Variants in PNKD observed in about 807,000 individuals in gnomAD.
The protein encoded by PNKD is probable thioesterase PNKD.
Under a neutral mutation model 45.3 loss-of-function variants are expected in PNKD, and 36 were observed. The observed-to-expected ratio is 0.80, with a 90% CI of 0.61 to 1.05. PNKD has a LOEUF of 1.05. PNKD is among the 50% of genes least tolerant of loss of function. The probability of loss-of-function intolerance (pLI) is 0.00; values close to 1 mark genes in which losing one functional copy is unlikely to be tolerated. For synonymous variants in PNKD, 197 were observed against 210.1 expected (o/e 0.94, Z 0.54); for missense variants, 511 against 506.6 (o/e 1.01, Z -0.08).
At chr2:218,313,890 ATTTTCTTTATTTCTTTTTTTTTT>A (rs1693685138) in intron 2 of PNKD, among the ~76,000 whole-genome samples, 1 of 137,532 alleles carries the variant, frequency 7.3e-6, no homozygotes, top group African/African-American at 2.7e-5. Flanking sequence ...GTTTAACTGC[ATTTTCTTTATTTCTTTTTTTTTT>A]TTTTTTTTTT....
intron 2 of PNKD, among the ~76,000 whole-genome samples, chr2:218,332,198 G>A (rs1395756428): frequency 6.6e-6 from 1 of 152,208 alleles, no homozygotes; most frequent in African/African-American, 2.4e-5. Context: ...GAGGTAGAGA[G>A]CTGGGGGACA....
intron 2 of PNKD, chr2:218,275,699 T>TG: frequency 1.3e-6 from 2 of 1,535,772 alleles, no homozygotes; most frequent in Non-Finnish European, 1.8e-6. Context: ...AGATTTGTCT[T>TG]GGGGGCCTAT....
chr2:218,307,529 T>C (rs1693452082), intron 2 of PNKD, among the ~76,000 whole-genome samples: 1 of 152,082 alleles, frequency 6.6e-6, no homozygotes, highest in Non-Finnish European at 1.5e-5. Flanking sequence ...AATCTAATGC[T>C]GCTGCTGATC....
At chr2:218,274,007 TAGGGTTGAGCTCTCCCTTTCCCCACC>T (rs1211174658) in intron 2 of PNKD, among the ~76,000 whole-genome samples, 1 of 152,184 alleles carries the variant, frequency 6.6e-6, no homozygotes, top group Non-Finnish European at 1.5e-5. Flanking sequence ...TCCAGTGTGA[TAGGGTTGAGCTCTCCCTTTCCCCACC>T]CAACTCCTGA....
Position 218,345,071 on chromosome 2 carries a change from C to G in PNKD, c.*90C>G. 9.8e-7 allele frequency: 1 copy of G among 1,021,028 alleles called. No homozygotes were observed. 63.2% of individuals were successfully genotyped at this position (1,021,028 alleles called of 1,614,324 possible). On this transcript the variant is annotated 3_prime_UTR_variant, in exon 10 of 10. Transcript: ENST00000273077. ...TCATCCTTCTCATCGCTAACACCAC[C>G]ACCTCCATCGGCACCCAAGCGGGCA...
At chr2:218,337,914 C>G (rs1694547232) in intron 2 of PNKD, among the ~76,000 whole-genome samples, 1 of 152,002 alleles carries the variant, frequency 6.6e-6, no homozygotes, top group Non-Finnish European at 1.5e-5. Context: ...TTTGGGAGGC[C>G]AAGGTGGGCA....
At chr2:218,324,274 A>C (rs1206792220) in intron 2 of PNKD, among the ~76,000 whole-genome samples, 1 of 152,160 alleles carries the variant, frequency 6.6e-6, no homozygotes, top group Admixed American at 6.5e-5. Flanking sequence ...CTCAAGCCCC[A>C]GTTTAGGGAC....
chr2:218,280,551 GGGA>G (rs762639704), intron 2 of PNKD: 94 of 241,858 alleles, frequency 3.9e-4, no homozygotes, highest in African/African-American at 1.6e-3. Context: ...GGTGAAGACA[GGGA>G]TCTGCATCAG....
intron 2 of PNKD, chr2:218,327,948 G>A (rs1353226619): frequency 1.8e-5 from 2 of 114,156 alleles, no homozygotes; most frequent in Non-Finnish European, 3.3e-5. Flanking sequence ...GGTGATAAGA[G>A]TGAAACTCCA....
At chr2:218,270,967 G>C (rs1231034773) in intron 1 of PNKD, 4 of 321,878 alleles carry the variant, frequency 1.2e-5, no homozygotes, top group East Asian at 1.1e-4. Flanking sequence ...TTTTCTCTCA[G>C]GGCTTCAGTT....
chr2:218,319,646 T>C (rs1404302503), intron 2 of PNKD, among the ~76,000 whole-genome samples: 2 of 152,228 alleles, frequency 1.3e-5, no homozygotes, highest in Non-Finnish European at 1.5e-5. Context: ...AGTACTGGGA[T>C]TACAGGCGTG....
At chr2:218,327,511 C>T (rs1421054504) in intron 2 of PNKD, among the ~76,000 whole-genome samples, 1 of 152,134 alleles carries the variant, frequency 6.6e-6, no homozygotes, top group African/African-American at 2.4e-5. Flanking sequence ...CCACAGCAGC[C>T]TCATGCCTCC....
chr2:218,322,337 C>T (rs1384903263), intron 2 of PNKD, among the ~76,000 whole-genome samples: 1 of 152,216 alleles, frequency 6.6e-6, no homozygotes, highest in Non-Finnish European at 1.5e-5. Context: ...TTCACCACCA[C>T]CACGCCTGTC....
At chr2:218,295,284 C>A (rs983998849) in intron 2 of PNKD, among the ~76,000 whole-genome samples, 5 of 152,198 alleles carry the variant, frequency 3.3e-5, no homozygotes, top group Non-Finnish European at 1.5e-5. Context: ...ATTTCCGGTT[C>A]TAGAAATGAG....
intron 2 of PNKD, chr2:218,277,835 G>A: frequency 6.4e-7 from 1 of 1,566,684 alleles, no homozygotes; most frequent in Non-Finnish European, 8.8e-7. Flanking sequence ...AGGTGGAGGA[G>A]ACAGCCAGGA....
chr2:218,345,390 A>C lies in PNKD; in HGVS notation c.*409A>C. On this transcript the variant is annotated 3_prime_UTR_variant, in exon 10 of 10. Coordinates refer to ENST00000273077, the MANE Select transcript of PNKD (RefSeq NM_015488.5). The stretch of plus-strand genomic sequence containing the variant: ...CCAGGGTCCATCTTGCCCTTCCCCC[A>C]TCCATGGTTGGGAAAGAAGCTCAGC... 5.6e-6 allele frequency: 1 copy of C among 179,328 alleles called. No individual in the cohort carries two copies. Among genetic ancestry groups the C allele is most frequent in the Non-Finnish European group, 1.2e-5 (1 of 84,312 alleles). The allele number at this position is 179,328 out of a possible 1,614,324, so 11.1% of individuals were successfully genotyped here. A position where few individuals can be genotyped will look rare whatever the true frequency, so the allele number is the denominator to read the frequency against.
chr2:218,293,064 C>G (rs1293515522), intron 2 of PNKD, among the ~76,000 whole-genome samples: 1 of 152,150 alleles, frequency 6.6e-6, no homozygotes. Flanking sequence ...CTTGATAATT[C>G]TGTGTTTTTG....
In PNKD at chr2:218,340,553, A is replaced by C. The variant is rs566642468; in HGVS notation, c.466-175A>C. On this transcript the variant is annotated intron_variant, in intron 4 of 9. Coordinates refer to ENST00000273077, the MANE Select transcript of PNKD (RefSeq NM_015488.5). This position sits in a 1 kb window ranked among gnomAD's most constrained non-coding sequence, Gnocchi z 4.2. ...TATGTACAAGTGTCCCTCTGCCTCC[A>C]TGTGCCCCGTGCTTCACATTCCTGG... Among the ~76,000 whole-genome samples the C allele has an allele frequency of 3.4e-4, 51 of 151,248 alleles. No individual in the cohort carries two copies. The highest frequency in any genetic ancestry group is 1.5e-5 in the Non-Finnish European group (1 of 67,762).
chr2:218,337,726 T>C (rs1338715065), intron 2 of PNKD, among the ~76,000 whole-genome samples: 1 of 152,178 alleles, frequency 6.6e-6, no homozygotes, highest in African/African-American at 2.4e-5. Context: ...CTCATGGGCA[T>C]TGCAGACTCT....
Sources: gnomAD v4.1 joint callset for allele counts (sites outside exome capture counted in the v4.1 genomes callset) on GRCh38, gnomAD v4.1.1 for gene constraint, Gnocchi (gnomAD v3.1) non-coding constraint, MANE v1.5 for transcripts, NCBI Gene and HGNC (gene_info 2026-07-23, HGNC 2026-07-21) for gene names.